Variants in POU3F3 observed in about 807,000 individuals in gnomAD.
POU3F3 encodes the protein POU class 3 homeobox 3, also known as POU domain, class 3, transcription factor 3.
POU3F3 carries 1 observed loss-of-function variant against 8.6 expected under a neutral mutation model. That is an observed-to-expected ratio of 0.12 (90% CI 0.04 to 0.55). The LOEUF is 0.55. Ranked by LOEUF, POU3F3 falls within the 20% of genes least tolerant of loss-of-function variation. The pLI, the probability that POU3F3 is intolerant of heterozygous loss-of-function variation, is 0.91. For synonymous variants in POU3F3, 418 were observed against 327.4 expected (o/e 1.28, Z -2.99); for missense variants, 577 against 690.7 (o/e 0.84, Z 1.84).
At chr2:104,879,867 T>C in the POU3F3 span, among the ~76,000 whole-genome samples, 263 of 152,326 alleles carry the variant, frequency 1.7e-3, no homozygotes, top group African/African-American at 6.2e-3. Context: ...CGTGGTTCTT[T>C]GGGGAACGAG....
At chr2:104,881,117 T>TCTTA in the POU3F3 span, among the ~76,000 whole-genome samples, 5 of 136,098 alleles carry the variant, frequency 3.7e-5, no homozygotes, top group South Asian at 4.9e-4. Context: ...TTTCTTTATT[T>TCTTA]CTTACTTTCT....
chr2:104,899,949 G>A, the POU3F3 span, among the ~76,000 whole-genome samples: 1 of 152,216 alleles, frequency 6.6e-6, no homozygotes, highest in Non-Finnish European at 1.5e-5. Flanking sequence ...GTGGGTGTGT[G>A]TCCAAGTGCA....
At chr2:104,885,906 T>G in the POU3F3 span, among the ~76,000 whole-genome samples, 1,165 of 152,220 alleles carry the variant, frequency 7.7e-3, 19 homozygotes, top group African/African-American at 0.027. Context: ...CAAGTGATTC[T>G]CCTGCCTGGC....
the POU3F3 span, among the ~76,000 whole-genome samples, chr2:104,876,352 C>A: frequency 6.6e-6 from 1 of 152,118 alleles, no homozygotes; most frequent in Non-Finnish European, 1.5e-5. Flanking sequence ...TCTTTGAAGT[C>A]CTTTTTCCTA....
At chr2:104,903,666 C>A in the POU3F3 span, among the ~76,000 whole-genome samples, 1 of 152,162 alleles carries the variant, frequency 6.6e-6, no homozygotes, top group South Asian at 2.1e-4. Context: ...ATGTGTCTGG[C>A]GCCTAAACGT....
chr2:104,866,040 G>A, the POU3F3 span: 1 of 152,158 alleles, frequency 6.6e-6, no homozygotes, highest in African/African-American at 2.4e-5. Context: ...AAATCGCTCA[G>A]GCAAGTCTAC....
chr2:104,872,611 C>G, the POU3F3 span: 1 of 263,030 alleles, frequency 3.8e-6, no homozygotes, highest in African/African-American at 2.4e-5. This position sits in a 1 kb window ranked among gnomAD's most constrained non-coding sequence, Gnocchi z 4.6. Context: ...GCCCGGGTCT[C>G]GGCGCGCGCG....
At chr2:104,867,513 G>GT in the POU3F3 span, 1 of 152,396 alleles carries the variant, frequency 6.6e-6, no homozygotes, top group African/African-American at 2.4e-5. This position sits in a 1 kb window ranked among gnomAD's most constrained non-coding sequence, Gnocchi z 5.0. Context: ...ACGTGCCCGG[G>GT]TTGTCAGAGG....
Position 104,855,760 on chromosome 2 carries a change from G to A in POU3F3, c.250G>A (p.Ala84Thr), listed in dbSNP as rs1015843434. The A allele has an allele frequency of 3.8e-6, 5 of 1,309,094 alleles. No individual in the cohort carries two copies. Among genetic ancestry groups the A allele is most frequent in the African/African-American group, 1.6e-5 (1 of 63,056 alleles). The allele number at this position is 1,309,094 out of a possible 1,614,324, so 81.1% of individuals were successfully genotyped here. ...QSDFMQGAMA[A>T]SNGGHMLSHA... The stretch of plus-strand genomic sequence containing the variant: ...CGACTTCATGCAGGGGGCCATGGCC[G>A]CCAGCAACGGCGGCCATATGCTGAG... Residue 84 changes from alanine to threonine, a missense_variant, in exon 1 of 1, where the codon GCC (alanine) becomes ACC (threonine). Physicochemically the swap from Ala to Thr is moderately conservative, Grantham distance 58. Coordinates refer to ENST00000361360, the MANE Select transcript of POU3F3 (RefSeq NM_006236.3).
the POU3F3 span, among the ~76,000 whole-genome samples, chr2:104,880,524 A>G: frequency 6.6e-6 from 1 of 152,060 alleles, no homozygotes; most frequent in African/African-American, 2.4e-5. Context: ...TGCAGTGGAG[A>G]TCCTTGGCCA....
At position 104,856,089 on chromosome 2, in the gene POU3F3, C is replaced by T; in HGVS notation, c.579C>T (p.Ala193=). 1 of 1,036,978 alleles carries T rather than the reference C, an allele frequency of 9.6e-7. No individual in the cohort carries two copies. The highest frequency in any genetic ancestry group is 1.1e-6 in the Non-Finnish European group (1 of 871,592). The allele number at this position is 1,036,978 out of a possible 1,614,324, so 64.2% of individuals were successfully genotyped here. Residue 193 remains alanine, a synonymous_variant, in exon 1 of 1, where the codon GCC becomes GCT. Transcript: ENST00000361360. ...GGGGCTGGGGGGCGGCCGCCGCTGC[C>T]GCAGCCGCAGCCGCCGCCGCCGCCG... The part of the protein sequence containing the change: ...HPGGWGAAAA[A]AAAAAAAAAA...
chr2:104,863,159 A>AATT (rs3056838), downstream of POU3F3, among the ~76,000 whole-genome samples: 10,719 of 134,714 alleles, frequency 0.08, 456 homozygotes, highest in East Asian at 0.16. Flanking sequence ...TCATAATAAC[A>AATT]ATTATTATTA....
chr2:104,853,923 TTCTACGACGCTCTGCC>T (rs1676494139), upstream of POU3F3: 1 of 151,762 alleles, frequency 6.6e-6, no homozygotes, highest in South Asian at 2.1e-4. Flanking sequence ...GATTTCCAGC[TTCTACGACGCTCTGCC>T]TAAATTAAAA....
At chr2:104,919,173 T>C in the POU3F3 span, among the ~76,000 whole-genome samples, 4 of 152,170 alleles carry the variant, frequency 2.6e-5, no homozygotes, top group Non-Finnish European at 5.9e-5. Flanking sequence ...GCCTGGTCCA[T>C]GAAAACATTT....
chr2:104,907,061 C>T, the POU3F3 span, among the ~76,000 whole-genome samples: 1 of 152,162 alleles, frequency 6.6e-6, no homozygotes, highest in Non-Finnish European at 1.5e-5. Flanking sequence ...CGAAAAAAGA[C>T]CCAGCAGGCA....
At chr2:104,923,810 T>C in the POU3F3 span, among the ~76,000 whole-genome samples, 1 of 152,048 alleles carries the variant, frequency 6.6e-6, no homozygotes, top group Non-Finnish European at 1.5e-5. Flanking sequence ...AGGGACCAAA[T>C]AGGTTGAAAG....
At chr2:104,859,415 G>T (rs1004000606), downstream of POU3F3, among the ~76,000 whole-genome samples, 1 of 152,160 alleles carries the variant, frequency 6.6e-6, no homozygotes, top group East Asian at 1.9e-4. Flanking sequence ...TACTTAAGAC[G>T]CTAAAGGCTC....
the POU3F3 span, among the ~76,000 whole-genome samples, chr2:104,914,985 C>G: frequency 1.3e-5 from 2 of 152,124 alleles, no homozygotes; most frequent in African/African-American, 4.8e-5. Flanking sequence ...CTCACAGGTG[C>G]CTGCAGGACC....
Position 104,854,726 on chromosome 2 carries a change from G to C in POU3F3, c.-785G>C, listed in dbSNP as rs186310432. The stretch of plus-strand genomic sequence containing the variant: ...AAAACTTGAAACGAGAGGACCAGAG[G>C]GGGAGAGCAGGAGCCAGCCTCCCCT... On this transcript the variant is annotated 5_prime_UTR_variant, in exon 1 of 1. Transcript: ENST00000361360. This position sits in a 1 kb window ranked among gnomAD's most constrained non-coding sequence, Gnocchi z 4.5. Among the ~76,000 whole-genome samples, 23 of 152,262 alleles carry C rather than the reference G, an allele frequency of 1.5e-4. No homozygotes were observed. Among genetic ancestry groups the C allele is most frequent in the Admixed American group, 3.9e-4 (6 of 15,300 alleles).
Sources: gnomAD v4.1 joint callset for allele counts (sites outside exome capture counted in the v4.1 genomes callset) on GRCh38, gnomAD v4.1.1 for gene constraint, Gnocchi (gnomAD v3.1) non-coding constraint, MANE v1.5 for transcripts, NCBI Gene and HGNC (gene_info 2026-07-23, HGNC 2026-07-21) for gene names.